Variants in AGL observed in about 807,000 individuals in gnomAD.
The protein encoded by AGL is glycogen debranching enzyme.
A neutral mutation model predicts 199.3 loss-of-function variants in AGL; 128 were observed. That is an observed-to-expected ratio of 0.64 (90% CI 0.56 to 0.74). AGL has a LOEUF of 0.74. AGL is among the 30% of genes least tolerant of loss of function. The pLI is 0.00. For synonymous variants in AGL, 584 were observed against 594.7 expected (o/e 0.98, Z 0.26); for missense variants, 1,809 against 1,820.8 (o/e 0.99, Z 0.12).
chr1:99,877,942 T>G, intron 12 of AGL, 114 bp downstream of exon 12: 1 of 1,006,870 alleles, frequency 9.9e-7, no homozygotes, highest in Non-Finnish European at 1.5e-6. Flanking sequence ...ACACAAGCAT[T>G]GATTTGGTGG....
intron 2 of AGL, among the ~76,000 whole-genome samples, chr1:99,858,881 T>C (rs1015213005): frequency 2.0e-5 from 3 of 151,922 alleles, no homozygotes; most frequent in African/African-American, 7.2e-5. Flanking sequence ...AACTTTTATA[T>C]TTTATAATTT....
At position 99,922,914 on chromosome 1, in the gene AGL, A is replaced by G. The variant is rs779230215; in HGVS notation, c.*1263A>G. 4 of 152,066 alleles carry G rather than the reference A, an allele frequency of 2.6e-5. No individual in the cohort carries two copies. The highest frequency in any genetic ancestry group is 4.1e-4 in the South Asian group (2 of 4,830). The allele number at this position is 152,066 out of a possible 1,614,324, so 9.4% of individuals were successfully genotyped here. On this transcript the variant is annotated 3_prime_UTR_variant, in exon 34 of 34. Coordinates refer to ENST00000361915, the MANE Select transcript of AGL (RefSeq NM_000642.3). ...TTTTTTTAGTTAGTTTACAGGTTAC[A>G]TACCCAAAACCTTAACTATGACTAA...
chr1:99,891,684 A>G lies in AGL; in HGVS notation c.3028A>G (p.Ile1010Val). 2 of 1,613,558 alleles carry G rather than the reference A, an allele frequency of 1.2e-6. No individual in the cohort carries two copies. The highest frequency in any genetic ancestry group is 8.5e-7 in the Non-Finnish European group (1 of 1,179,580). Reference sequence around the variant, plus strand: ...CCTTATCCCATGTTACTTTGATGCTATATTAATTGGTGCATATACCACTCT... The same window carrying G: ...CCTTATCCCATGTTACTTTGATGCTGTATTAATTGGTGCATATACCACTCT... ...RYLIPCYFDA[I>V]LIGAYTTLLD... The change falls in exon 23 of 34, where the codon ATA becomes GTA. Residue 1010 changes from isoleucine (I) to valine (V), a missense_variant. Coordinates refer to ENST00000361915, the MANE Select transcript of AGL (RefSeq NM_000642.3).
At position 99,891,643 on chromosome 1, in the gene AGL, A is replaced by G; in HGVS notation, c.2987A>G (p.Lys996Arg). 6.2e-7 allele frequency: 1 copy of G among 1,613,698 alleles called. No individual in the cohort carries two copies. Among genetic ancestry groups the G allele is most frequent in the South Asian group, 1.1e-5 (1 of 91,082 alleles). The change falls in exon 23 of 34, where the codon AAG becomes AGG. Residue 996 changes from lysine (K) to arginine (R), a missense_variant. Transcript: ENST00000361915. ...TTGCAGGCTATGTTCTTCTACCTGA[A>G]GCAGATCCCACGTTACCTTATCCCA... is the stretch of plus-strand genomic sequence containing the variant. The part of the protein sequence containing the change: ...KWLQAMFFYL[K>R]QIPRYLIPCY...
At chr1:99,897,484 A>G (rs1220392326) in intron 25 of AGL, among the ~76,000 whole-genome samples, 2 of 152,232 alleles carry the variant, frequency 1.3e-5, no homozygotes, top group Non-Finnish European at 2.9e-5. Flanking sequence ...GCATCTTTAC[A>G]TGCCAAAATT....
At chr1:99,881,729 T>G (rs1652048185) in intron 17 of AGL, 38 bp downstream of exon 17, 2 of 1,490,436 alleles carry the variant, frequency 1.3e-6, no homozygotes, top group Middle Eastern at 2.0e-4. Flanking sequence ...ATTTGTATTA[T>G]ATTATTATAT....
chr1:99,871,681 C>G (rs1051257687), intron 7 of AGL, among the ~76,000 whole-genome samples: 8 of 152,114 alleles, frequency 5.3e-5, no homozygotes, highest in Non-Finnish European at 8.8e-5. Context: ...TCAACTTTTG[C>G]AATTGTGTAA....
intron 2 of AGL, among the ~76,000 whole-genome samples, chr1:99,856,028 T>C (rs1384542710): frequency 6.6e-6 from 1 of 152,204 alleles, no homozygotes; most frequent in African/African-American, 2.4e-5. Flanking sequence ...GCTAGTTGCC[T>C]ACAAGAGAGA....
At chr1:99,891,529 A>G in intron 22 of AGL, 77 bp from the exon 23 acceptor site, 1 of 1,557,854 alleles carries the variant, frequency 6.4e-7, no homozygotes, top group African/African-American at 1.4e-5. Context: ...ATAAAGTTGC[A>G]CATTTAGATT....
At chr1:99,873,526 C>G (rs1464461030) in intron 7 of AGL, among the ~76,000 whole-genome samples, 5 of 151,900 alleles carry the variant, frequency 3.3e-5, no homozygotes, top group African/African-American at 9.7e-5. Flanking sequence ...CCTCCGCTTC[C>G]TGGGTTCAAG....
At chr1:99,907,132 A>G (rs1654345574) in intron 27 of AGL, among the ~76,000 whole-genome samples, 1 of 152,020 alleles carries the variant, frequency 6.6e-6, no homozygotes, top group Non-Finnish European at 1.5e-5. Flanking sequence ...ATCTTTTTAT[A>G]TGTTTGTTTG....
At chr1:99,919,615 C>G (rs960905609) in intron 33 of AGL, among the ~76,000 whole-genome samples, 5 of 152,208 alleles carry the variant, frequency 3.3e-5, no homozygotes, top group African/African-American at 7.2e-5. Flanking sequence ...TTATCTTCAT[C>G]TCAATGTATC....
At position 99,870,775 on chromosome 1, in the gene AGL, T is replaced by G. The variant is rs771965730; in HGVS notation, c.864T>G (p.Ile288Met). The G allele has an allele frequency of 4.4e-6, 7 of 1,604,988 alleles. No homozygotes were observed. The highest frequency in any genetic ancestry group is 6.0e-6 in the Non-Finnish European group (7 of 1,172,142). ...DHHMNSIRKI[I>M]WEDIFPKLKL... ...TTTTTCAGTCCATCCGAAAAATAATTTGGGAGGATATTTTTCCAAAGCTTA... is the reference window on the plus strand; with the variant it reads ...TTTTTCAGTCCATCCGAAAAATAATGTGGGAGGATATTTTTCCAAAGCTTA... Residue 288 changes from isoleucine (I) to methionine (M), a missense_variant, in exon 7 of 34, where the codon ATT (isoleucine) becomes ATG (methionine). Coordinates refer to ENST00000361915, the MANE Select transcript of AGL (RefSeq NM_000642.3).
chr1:99,909,949 A>G (rs1311874625), intron 27 of AGL, among the ~76,000 whole-genome samples: 3 of 152,212 alleles, frequency 2.0e-5, no homozygotes, highest in Non-Finnish European at 2.9e-5. Context: ...AATATATACT[A>G]TAATCAATAA....
At chr1:99,872,894 C>T (rs1044697919) in intron 7 of AGL, among the ~76,000 whole-genome samples, 2 of 152,158 alleles carry the variant, frequency 1.3e-5, no homozygotes, top group Non-Finnish European at 2.9e-5. Flanking sequence ...ATTTATATTT[C>T]TTCCATTAAT....
intron 5 of AGL, among the ~76,000 whole-genome samples, chr1:99,869,511 A>G (rs1650809754): frequency 6.6e-6 from 1 of 152,204 alleles, no homozygotes. Context: ...GACTTGGCCA[A>G]GTTAATTCCT....
At chr1:99,891,387 A>C in intron 22 of AGL, 31 bp downstream of exon 22, 1 of 1,611,306 alleles carries the variant, frequency 6.2e-7, no homozygotes, top group Non-Finnish European at 8.5e-7. Flanking sequence ...GTCCCAAAAA[A>C]TCAAGGACAT....
intron 20 of AGL, 123 bp from the exon 21 acceptor site, chr1:99,887,855 C>T: frequency 9.4e-7 from 1 of 1,067,148 alleles, no homozygotes; most frequent in East Asian, 2.6e-5. Flanking sequence ...TATTTGAATG[C>T]TGAGTTCCTA....
chr1:99,861,722 G>A lies in AGL; in HGVS notation c.293+9G>A. ...TATTATTTCCTTCAAGGGTAAGTCAGGTGTTTTGTTTGTGAGAAAAAAAGT... is the reference window on the plus strand; with the variant it reads ...TATTATTTCCTTCAAGGGTAAGTCAAGTGTTTTGTTTGTGAGAAAAAAAGT... On this transcript the variant is annotated intron_variant, in intron 3 of 33. Transcript: ENST00000361915. 6.2e-7 allele frequency: 1 copy of A among 1,613,138 alleles called. No homozygotes were observed. The highest frequency in any genetic ancestry group is 8.5e-7 in the Non-Finnish European group (1 of 1,179,554).
Sources: gnomAD v4.1 joint callset for allele counts (sites outside exome capture counted in the v4.1 genomes callset) on GRCh38, gnomAD v4.1.1 for gene constraint, MANE v1.5 for transcripts, NCBI Gene and HGNC (gene_info 2026-07-23, HGNC 2026-07-21) for gene names.